MAP2K5: variants seen among roughly 807,000 people sequenced by gnomAD.
MAP2K5 encodes the protein mitogen-activated protein kinase kinase 5, also known as dual specificity mitogen-activated protein kinase kinase 5.
In MAP2K5, 49 loss-of-function variants were observed where a neutral mutation model predicts 83.1. The ratio of observed to expected loss-of-function variants is 0.59; its 90% CI spans 0.47 to 0.75. The LOEUF (loss-of-function observed/expected upper bound fraction) is 0.75. MAP2K5 is among the 30% of genes least tolerant of loss of function. MAP2K5 has a pLI of 0.00. For synonymous variants in MAP2K5, 202 were observed against 191.8 expected (o/e 1.05, Z -0.44); for missense variants, 457 against 557.5 (o/e 0.82, Z 1.82).
intron 11 of MAP2K5, 80 bp from the exon 12 acceptor site, chr15:67,658,473 C>T: frequency 1.8e-6 from 2 of 1,102,962 alleles, no homozygotes; most frequent in South Asian, 1.3e-5. Context: ...AATGTATTCT[C>T]ACAGTGAACA....
At chr15:67,630,809 G>A (rs2086454608) in intron 8 of MAP2K5, 79 bp from the exon 9 acceptor site, 2 of 982,712 alleles carry the variant, frequency 2.0e-6, no homozygotes, top group East Asian at 2.4e-5. Context: ...AGAAATGTTT[G>A]GATTTACATT....
At chr15:67,662,485 A>G (rs998277812) in intron 12 of MAP2K5, among the ~76,000 whole-genome samples, 2 of 152,180 alleles carry the variant, frequency 1.3e-5, no homozygotes, top group African/African-American at 2.4e-5. Context: ...ATTTTGACCA[A>G]TAGTGATTTG....
In MAP2K5 at chr15:67,690,237, G is replaced by A. The variant is rs2088069917; in HGVS notation, c.848-2242G>A. Among the ~76,000 whole-genome samples, 1 of 152,172 alleles carries A rather than the reference G, an allele frequency of 6.6e-6. No individual in the cohort carries two copies. Among genetic ancestry groups the A allele is most frequent in the African/African-American group, 2.4e-5 (1 of 41,440 alleles). On this transcript the variant is annotated intron_variant, in intron 13 of 21. Coordinates refer to ENST00000178640, the MANE Select transcript of MAP2K5 (RefSeq NM_145160.3). This position sits in a 1 kb window ranked among gnomAD's most constrained non-coding sequence, Gnocchi z 4.3. ...TTGAAAAATAAGACCAAACTATGTA[G>A]AATCTAACATTTGTTTCAGTTCAGC...
At chr15:67,653,811 G>T (rs185919160) in intron 11 of MAP2K5, among the ~76,000 whole-genome samples, 1 of 152,046 alleles carries the variant, frequency 6.6e-6, no homozygotes, top group East Asian at 1.9e-4. Context: ...TTTAATGTAG[G>T]TTATAAATTT....
In MAP2K5 at chr15:67,719,097, A is replaced by G. The variant is rs974086223; in HGVS notation, c.1045-8819A>G. 5.9e-5 allele frequency among the ~76,000 whole-genome samples: 9 copies of G among 152,096 alleles called. No individual in the cohort carries two copies. The highest frequency in any genetic ancestry group is 7.2e-5 in the African/African-American group (3 of 41,398). On this transcript the variant is annotated intron_variant, in intron 16 of 21. Coordinates refer to ENST00000178640, the MANE Select transcript of MAP2K5 (RefSeq NM_145160.3). This position sits in a 1 kb window ranked among gnomAD's most constrained non-coding sequence, Gnocchi z 4.6. ...TCTGGTAACCATCATTCTACTGTCT[A>G]TCTCCATGAGTTCAATTCATTTAAT...
Position 67,758,806 on chromosome 15 carries a change from A to G in MAP2K5, c.1134+10205A>G, listed in dbSNP as rs995747224. 1.3e-5 allele frequency among the ~76,000 whole-genome samples: 2 copies of G among 152,204 alleles called. No homozygotes were observed. Among genetic ancestry groups the G allele is most frequent in the Admixed American group, 6.5e-5 (1 of 15,280 alleles). On this transcript the variant is annotated intron_variant, in intron 19 of 21. Coordinates refer to ENST00000178640, the MANE Select transcript of MAP2K5 (RefSeq NM_145160.3). This position sits in a 1 kb window ranked among gnomAD's most constrained non-coding sequence, Gnocchi z 4.7. ...TTACAGACAAGGAAACTGAGTGACAATCAAAGGGTAAGGTTCCTTACATTA... is the reference window on the plus strand; with the variant it reads ...TTACAGACAAGGAAACTGAGTGACAGTCAAAGGGTAAGGTTCCTTACATTA...
chr15:67,645,986 T>G (rs1315223185), intron 9 of MAP2K5, among the ~76,000 whole-genome samples: 2 of 152,200 alleles, frequency 1.3e-5, no homozygotes, highest in East Asian at 3.9e-4. Flanking sequence ...CCATTACTAT[T>G]GACCTTTGAG....
In MAP2K5 at chr15:67,543,233, C is replaced by G; in HGVS notation, c.-103C>G. On this transcript the variant is annotated 5_prime_UTR_variant, in exon 1 of 22. Coordinates refer to ENST00000178640, the MANE Select transcript of MAP2K5 (RefSeq NM_145160.3). This position sits in a 1 kb window ranked among gnomAD's most constrained non-coding sequence, Gnocchi z 4.3. ...TCCTCCATTCCCTTGTTTTCACCCT[C>G]TGTCCTCTGCCCGTCACTCCCCTTG... 2 of 1,200,064 alleles carry G rather than the reference C, an allele frequency of 1.7e-6. No homozygotes were observed. Among genetic ancestry groups the G allele is most frequent in the Non-Finnish European group, 2.4e-6 (2 of 818,676 alleles). The allele number at this position is 1,200,064 out of a possible 1,614,324, so 74.3% of individuals were successfully genotyped here.
rs1171245991 is a variant in MAP2K5 at position 67,636,673 on chromosome 15, A to G, written c.585+5746A>G. On this transcript the variant is annotated intron_variant, in intron 9 of 21. Coordinates refer to ENST00000178640, the MANE Select transcript of MAP2K5 (RefSeq NM_145160.3). This position sits in a 1 kb window ranked among gnomAD's most constrained non-coding sequence, Gnocchi z 4.7. ...TATAATTTTTTATTGGATACCAGAC[A>G]TGTGGCATGGGTGCTATTTTTGCTC... Among the ~76,000 whole-genome samples the G allele has an allele frequency of 1.3e-5, 2 of 152,114 alleles. No individual in the cohort carries two copies. The highest frequency in any genetic ancestry group is 2.1e-4 in the South Asian group (1 of 4,832).
chr15:67,674,161 A>G (rs2087620909), intron 13 of MAP2K5, among the ~76,000 whole-genome samples: 1 of 152,074 alleles, frequency 6.6e-6, no homozygotes, highest in Admixed American at 6.5e-5. Flanking sequence ...ACACTTTTTT[A>G]AAAGAACTGG....
intron 13 of MAP2K5, among the ~76,000 whole-genome samples, chr15:67,667,336 T>C (rs558725604): frequency 5.3e-5 from 8 of 152,324 alleles, no homozygotes; most frequent in African/African-American, 1.9e-4. Context: ...ATAGGTAATA[T>C]ACTTGTTTAT....
chr15:67,714,098 A>G (rs1320124151), intron 16 of MAP2K5, among the ~76,000 whole-genome samples: 2 of 152,196 alleles, frequency 1.3e-5, no homozygotes, highest in Admixed American at 1.3e-4. Context: ...ACATTGGCAA[A>G]CAAAATAGGC....
intron 17 of MAP2K5, among the ~76,000 whole-genome samples, chr15:67,737,070 A>G (rs1481110162): frequency 1.3e-5 from 2 of 152,112 alleles, no homozygotes; most frequent in South Asian, 2.1e-4. Flanking sequence ...ATGGTGGGGG[A>G]GAAAGTGAGA....
chr15:67,800,719 C>T (rs1202907184), intron 21 of MAP2K5, among the ~76,000 whole-genome samples: 4 of 152,164 alleles, frequency 2.6e-5, no homozygotes, highest in African/African-American at 4.8e-5. Context: ...TCCCCCACCC[C>T]GATGTACGTG....
At chr15:67,581,945 C>T (rs1445293010) in intron 4 of MAP2K5, among the ~76,000 whole-genome samples, 1 of 151,314 alleles carries the variant, frequency 6.6e-6, no homozygotes, top group African/African-American at 2.4e-5. Context: ...TAGTCCAAAA[C>T]AAGGATTGTG....
At position 67,703,313 on chromosome 15, in the gene MAP2K5, A is replaced by C. The variant is rs576332385; in HGVS notation, c.973-24A>C. The C allele has an allele frequency of 2.3e-5, 36 of 1,590,350 alleles. No homozygotes were observed. In the South Asian group the frequency reaches 3.8e-4, roughly 17 times the overall value. ...TCCTGAGTAGCATCCGTCCACTCAC[A>C]GGCTCCCTTCTGATTTCTTGCAGCC... On this transcript the variant is annotated intron_variant, in intron 15 of 21. Transcript: ENST00000178640.
intron 7 of MAP2K5, among the ~76,000 whole-genome samples, chr15:67,600,141 T>A (rs536605281): frequency 3.3e-5 from 5 of 152,336 alleles, no homozygotes; most frequent in Admixed American, 6.5e-5. Context: ...TCTGCCTAAT[T>A]ATTGCTGTAT....
intron 2 of MAP2K5, among the ~76,000 whole-genome samples, chr15:67,556,740 A>C (rs2084634828): frequency 6.6e-6 from 1 of 151,866 alleles, no homozygotes; most frequent in African/African-American, 2.4e-5. Context: ...TTTAGTAGAG[A>C]CAGGGTTTCA....
At chr15:67,617,126 G>A (rs986417450) in intron 8 of MAP2K5, among the ~76,000 whole-genome samples, 1 of 151,940 alleles carries the variant, frequency 6.6e-6, no homozygotes, top group African/African-American at 2.4e-5. Flanking sequence ...GCAAAAAAGG[G>A]GTATTTCCGT....
Sources: gnomAD v4.1 joint callset for allele counts (sites outside exome capture counted in the v4.1 genomes callset) on GRCh38, gnomAD v4.1.1 for gene constraint, Gnocchi (gnomAD v3.1) non-coding constraint, MANE v1.5 for transcripts, NCBI Gene and HGNC (gene_info 2026-07-23, HGNC 2026-07-21) for gene names.